PDE4D: variants seen among roughly 807,000 people sequenced by gnomAD.
PDE4D encodes the protein phosphodiesterase 4D.
Under a neutral mutation model 87.4 loss-of-function variants are expected in PDE4D, and 24 were observed. The ratio of observed to expected loss-of-function variants is 0.27; its 90% CI spans 0.20 to 0.39. The LOEUF is 0.39. Ranked by LOEUF, PDE4D falls within the 10% of genes least tolerant of loss-of-function variation. The probability of loss-of-function intolerance (pLI) is 1.00; values close to 1 mark genes in which losing one functional copy is unlikely to be tolerated. For missense variants in PDE4D, 714 were observed against 1,041.0 expected, an observed-to-expected ratio of 0.69 and a Z score of 4.32; for synonymous variants, 384 against 383.2, an observed-to-expected ratio of 1.00 and a Z score of -0.02.
intron 1 of PDE4D, among the ~76,000 whole-genome samples, chr5:59,409,621 C>T (rs1302646167): frequency 6.6e-6 from 1 of 152,148 alleles, no homozygotes; most frequent in Non-Finnish European, 1.5e-5. Flanking sequence ...ACCTACTCCC[C>T]TTTTGTCTTC....
chr5:60,474,017 CA>C (rs1204851465), intron 1 of PDE4D, among the ~76,000 whole-genome samples: 3 of 148,136 alleles, frequency 2.0e-5, no homozygotes, highest in Non-Finnish European at 4.5e-5. Context: ...AGTCATCACT[CA>C]GATCCACCCA....
intron 1 of PDE4D, among the ~76,000 whole-genome samples, chr5:59,390,390 A>T (rs996884019): frequency 6.6e-6 from 1 of 152,118 alleles, no homozygotes; most frequent in African/African-American, 2.4e-5. Context: ...TGAACATCTA[A>T]CAATGCATGA....
In PDE4D at chr5:59,647,458, A is replaced by G. The variant is rs142368566; in HGVS notation, c.455+245710T>C. ...ATTTTTGAAATTAGGGATTTTTCAA[A>G]GTTTTTTTTTTTTTAATTAAAATAG... On this transcript the variant is annotated intron_variant, in intron 1 of 14. Transcript: ENST00000340635. Among the ~76,000 whole-genome samples, 133 of 67,672 alleles carry G rather than the reference A, an allele frequency of 2.0e-3. 1 individual carries two copies. The highest frequency in any genetic ancestry group is 6.1e-3 in the African/African-American group (128 of 20,978). The allele number at this position is 67,672 out of a possible 152,430, so 44.4% of individuals were successfully genotyped here. A position where few individuals can be genotyped will look rare whatever the true frequency, so the allele number is the denominator to read the frequency against.
At chr5:60,052,325 A>G (rs956706319) in intron 2 of PDE4D, among the ~76,000 whole-genome samples, 3 of 152,218 alleles carry the variant, frequency 2.0e-5, no homozygotes, top group African/African-American at 7.2e-5. Flanking sequence ...CAGCACATCA[A>G]AAAGCTTACG....
chr5:60,174,847 A>G (rs1783776071), intron 2 of PDE4D, among the ~76,000 whole-genome samples: 3 of 151,830 alleles, frequency 2.0e-5, no homozygotes, highest in South Asian at 2.1e-4. Flanking sequence ...GGTTTTCTCT[A>G]TGTTGTTGAT....
At chr5:59,873,752 C>T (rs143082554) in intron 1 of PDE4D, among the ~76,000 whole-genome samples, 268 of 152,298 alleles carry the variant, frequency 1.8e-3, no homozygotes, top group African/African-American at 5.9e-3. Flanking sequence ...GTTTTACATT[C>T]GCTTTCAACT....
chr5:59,365,834 C>T (rs1481862550), intron 1 of PDE4D, among the ~76,000 whole-genome samples: 1 of 152,092 alleles, frequency 6.6e-6, no homozygotes, highest in Non-Finnish European at 1.5e-5. Context: ...CAGTAGTGCT[C>T]ACACATTAAA....
intron 1 of PDE4D, among the ~76,000 whole-genome samples, chr5:59,616,550 CA>C (rs1159831629): frequency 1.3e-5 from 2 of 152,010 alleles, no homozygotes; most frequent in East Asian, 3.9e-4. Flanking sequence ...GAATTACCTA[CA>C]AAAAATTTCC....
intron 5 of PDE4D, among the ~76,000 whole-genome samples, chr5:59,046,539 A>ATGTGTGTGTGTG (rs35264771): frequency 7.0e-6 from 1 of 143,662 alleles, no homozygotes; most frequent in Non-Finnish European, 1.5e-5. Context: ...GTTATTGAAG[A>ATGTGTGTGTGTG]TGTGTGTGTG....
intron 1 of PDE4D, chr5:59,217,867 A>G: frequency 3.2e-6 from 1 of 313,472 alleles, no homozygotes; most frequent in Non-Finnish European, 6.3e-6. Context: ...ATGGTCTCTA[A>G]TCATTCAATA....
intron 1 of PDE4D, among the ~76,000 whole-genome samples, chr5:60,317,096 A>G (rs958486234): frequency 6.6e-5 from 10 of 152,260 alleles, no homozygotes; most frequent in East Asian, 1.9e-4. Context: ...GGTAGAATTC[A>G]GCTGTGAATC....
intron 3 of PDE4D, among the ~76,000 whole-genome samples, chr5:59,927,942 C>A (rs539822574): frequency 5.9e-5 from 9 of 152,284 alleles, no homozygotes; most frequent in African/African-American, 1.9e-4. Context: ...GAGCTGATTT[C>A]TTAAACTGTA....
chr5:59,320,112 C>T (rs1774448525), intron 1 of PDE4D, among the ~76,000 whole-genome samples: 1 of 152,000 alleles, frequency 6.6e-6, no homozygotes. Context: ...CCTGAGCTCT[C>T]ATGTTCTAGA....
At chr5:60,242,939 A>C (rs1747293987) in intron 1 of PDE4D, among the ~76,000 whole-genome samples, 1 of 152,006 alleles carries the variant, frequency 6.6e-6, no homozygotes, top group Non-Finnish European at 1.5e-5. Context: ...AAAGGAAAGC[A>C]AGAGCAAACC....
chr5:60,296,424 T>A (rs1753390032), intron 1 of PDE4D, among the ~76,000 whole-genome samples: 1 of 151,968 alleles, frequency 6.6e-6, no homozygotes, highest in African/African-American at 2.4e-5. Context: ...TTACCTCCAA[T>A]GCAGCTATTA....
intron 1 of PDE4D, among the ~76,000 whole-genome samples, chr5:59,227,616 T>A (rs1177364468): frequency 6.6e-6 from 1 of 152,136 alleles, no homozygotes; most frequent in East Asian, 1.9e-4. Context: ...AAAGAAGGCA[T>A]ACATATGGCC....
chr5:59,150,959 C>T (rs530074365), intron 5 of PDE4D, among the ~76,000 whole-genome samples: 73 of 152,168 alleles, frequency 4.8e-4, no homozygotes, highest in Non-Finnish European at 6.2e-4. Context: ...AAAAACCAGA[C>T]CAGATATATA....
chr5:59,052,454 T>A (rs1190659145), intron 5 of PDE4D, among the ~76,000 whole-genome samples: 1 of 152,098 alleles, frequency 6.6e-6, no homozygotes, highest in Non-Finnish European at 1.5e-5. Context: ...AGCTAGTGGA[T>A]ATTGTGGGAA....
chr5:59,429,732 A>G (rs1049056789), intron 1 of PDE4D, among the ~76,000 whole-genome samples: 5 of 149,862 alleles, frequency 3.3e-5, no homozygotes, highest in Non-Finnish European at 5.9e-5. Context: ...TTAGTTAACT[A>G]TATCATCGCT....
Sources: gnomAD v4.1 joint callset for allele counts (sites outside exome capture counted in the v4.1 genomes callset) on GRCh38, gnomAD v4.1.1 for gene constraint, MANE v1.5 for transcripts, NCBI Gene and HGNC (gene_info 2026-07-23, HGNC 2026-07-21) for gene names.